The following EPHA6 variants were observed in gnomAD, a reference collection of about 807,000 sequenced individuals.
EPHA6 encodes the protein ephrin type-A receptor 6.
EPHA6 carries 50 observed loss-of-function variants against 112.0 expected under a neutral mutation model. That is an observed-to-expected ratio of 0.45 (90% CI 0.36 to 0.56). EPHA6 has a LOEUF of 0.56. EPHA6 is among the 20% of genes least tolerant of loss of function. EPHA6 has a pLI of 0.00. For synonymous variants in EPHA6, 529 were observed against 490.7 expected, an observed-to-expected ratio of 1.08 and a Z score of -1.03; for missense variants, 1,280 against 1,417.4, an observed-to-expected ratio of 0.90 and a Z score of 1.56.
Position 96,843,918 on chromosome 3 carries a change from A to G in EPHA6, c.386-22907A>G, listed in dbSNP as rs534770220. Among the ~76,000 whole-genome samples the G allele has an allele frequency of 7.2e-5, 11 of 152,210 alleles. No homozygotes were observed. The South Asian group carries it at 1.0e-3, about 14-fold the overall frequency. ...AAAAACCCAATATTACTCAGTAGAT[A>G]TACTTTATTTGAATATATTTACATT... On this transcript the variant is annotated intron_variant, in intron 1 of 17. Transcript: ENST00000389672.
chr3:97,210,925 C>T lies in EPHA6; in HGVS notation c.1115-15339C>T, dbSNP rs554884516. Among the ~76,000 whole-genome samples the T allele has an allele frequency of 7.2e-5, 11 of 152,258 alleles. No individual in the cohort carries two copies. In the East Asian group the frequency reaches 1.4e-3, roughly 19 times the overall value. On this transcript the variant is annotated intron_variant, in intron 3 of 17. Transcript: ENST00000389672. ...GCAAATTGGTGCTGGTTTTCAACCA[C>T]GAGCTCAGCCAGAGCTATGAGCAAA... is the stretch of plus-strand genomic sequence containing the variant.
At position 96,907,570 on chromosome 3, in the gene EPHA6, C is replaced by T. The variant is rs189676729; in HGVS notation, c.450+40681C>T. ...ATCTTTTGTATGCATCTTATGTTTG[C>T]ATTGGTACTTTTAATTTCAAATATT... On this transcript the variant is annotated intron_variant, in intron 2 of 17. Transcript: ENST00000389672. Among the ~76,000 whole-genome samples, 360 of 151,674 alleles carry T rather than the reference C, an allele frequency of 2.4e-3. 3 individuals are homozygous for T. Among genetic ancestry groups the T allele is most frequent in the African/African-American group, 8.4e-3 (347 of 41,434 alleles).
chr3:96,889,008 C>T (rs927127681), intron 2 of EPHA6, among the ~76,000 whole-genome samples: 1 of 152,128 alleles, frequency 6.6e-6, no homozygotes, highest in Non-Finnish European at 1.5e-5. Flanking sequence ...AATCATCTCT[C>T]TCATGTTCAA....
At chr3:97,611,926 C>G (rs559104497) in intron 13 of EPHA6, among the ~76,000 whole-genome samples, 2 of 151,818 alleles carry the variant, frequency 1.3e-5, no homozygotes, top group African/African-American at 4.8e-5. Flanking sequence ...TGAATGCTAG[C>G]AGTGATGATA....
chr3:96,863,154 C>T (rs1002658506), intron 1 of EPHA6, among the ~76,000 whole-genome samples: 6 of 151,896 alleles, frequency 4.0e-5, no homozygotes, highest in African/African-American at 1.4e-4. Context: ...GTACTCTTTA[C>T]ATAAATAATA....
At chr3:97,677,147 T>C (rs901222890) in intron 14 of EPHA6, among the ~76,000 whole-genome samples, 3 of 152,196 alleles carry the variant, frequency 2.0e-5, no homozygotes, top group African/African-American at 7.2e-5. Flanking sequence ...GTTTTTTAAT[T>C]GCAAATTTTA....
At chr3:96,895,120 C>A (rs1424975611) in intron 2 of EPHA6, among the ~76,000 whole-genome samples, 1 of 152,096 alleles carries the variant, frequency 6.6e-6, no homozygotes, top group African/African-American at 2.4e-5. Flanking sequence ...GAAGGCATTG[C>A]CATCATACGA....
At chr3:97,201,571 A>T (rs1160224089) in intron 3 of EPHA6, among the ~76,000 whole-genome samples, 3 of 152,006 alleles carry the variant, frequency 2.0e-5, no homozygotes, top group Non-Finnish European at 4.4e-5. Context: ...TAAAGTGAAC[A>T]TCTCTACAAA....
chr3:96,996,773 T>A (rs2043439903), intron 3 of EPHA6, among the ~76,000 whole-genome samples: 1 of 152,142 alleles, frequency 6.6e-6, no homozygotes, highest in African/African-American at 2.4e-5. Flanking sequence ...ATCATAATTC[T>A]TACTAGGTTT....
At chr3:97,544,052 C>T (rs2092908543) in intron 11 of EPHA6, among the ~76,000 whole-genome samples, 1 of 152,178 alleles carries the variant, frequency 6.6e-6, no homozygotes, top group Admixed American at 6.5e-5. Flanking sequence ...GACAATTTGA[C>T]TTCCTCTTTT....
chr3:97,731,098 C>T (rs568459782), intron 15 of EPHA6, among the ~76,000 whole-genome samples: 1 of 152,038 alleles, frequency 6.6e-6, no homozygotes, highest in East Asian at 1.9e-4. Flanking sequence ...GGGGCCTTTG[C>T]AGTGATCAAA....
At chr3:97,014,606 A>G (rs1233298515) in intron 3 of EPHA6, among the ~76,000 whole-genome samples, 1 of 152,218 alleles carries the variant, frequency 6.6e-6, no homozygotes, top group East Asian at 1.9e-4. Flanking sequence ...CGATGTTGAA[A>G]CATAAATTAG....
At chr3:97,664,791 A>G (rs1048834388) in intron 14 of EPHA6, among the ~76,000 whole-genome samples, 1 of 152,168 alleles carries the variant, frequency 6.6e-6, no homozygotes, top group Admixed American at 6.5e-5. Context: ...TTCAAGGAGA[A>G]CTACAAACCA....
chr3:97,758,230 C>T lies in EPHA6; in HGVS notation c.*9529C>T, dbSNP rs1428453733. ...AAAACCTTTGAGAAAACAAAATAAT[C>T]GTTTTCCCTACCTTACAACCTTGAT... is the stretch of plus-strand genomic sequence containing the variant. On this transcript the variant is annotated 3_prime_UTR_variant, in exon 18 of 18. Coordinates refer to ENST00000389672, the MANE Select transcript of EPHA6 (RefSeq NM_001080448.3). 2.0e-5 allele frequency among the ~76,000 whole-genome samples: 3 copies of T among 151,836 alleles called. No homozygotes were observed. Among genetic ancestry groups the T allele is most frequent in the Admixed American group, 6.6e-5 (1 of 15,240 alleles).
intron 5 of EPHA6, among the ~76,000 whole-genome samples, chr3:97,370,040 A>G (rs1411844472): frequency 1.3e-5 from 2 of 152,140 alleles, no homozygotes; most frequent in African/African-American, 2.4e-5. Flanking sequence ...TGATTGATCT[A>G]CCTCTGCCCT....
At chr3:97,337,449 C>T (rs2083107376) in intron 5 of EPHA6, among the ~76,000 whole-genome samples, 1 of 152,092 alleles carries the variant, frequency 6.6e-6, no homozygotes, top group Admixed American at 6.6e-5. Context: ...CACCTTTTCC[C>T]TTACTCCCCA....
At chr3:97,674,162 A>C (rs1435593359) in intron 14 of EPHA6, among the ~76,000 whole-genome samples, 1 of 152,190 alleles carries the variant, frequency 6.6e-6, no homozygotes, top group Non-Finnish European at 1.5e-5. Flanking sequence ...ATGGTTATGG[A>C]AACATGTTAA....
intron 4 of EPHA6, among the ~76,000 whole-genome samples, chr3:97,241,003 C>T (rs1559821039): frequency 6.6e-6 from 1 of 151,580 alleles, no homozygotes; most frequent in East Asian, 1.9e-4. Flanking sequence ...GCACACCTGG[C>T]CTCTGCTACT....
chr3:97,067,552 A>C lies in EPHA6; in HGVS notation c.1114+79559A>C, dbSNP rs528390091. 4.6e-5 allele frequency among the ~76,000 whole-genome samples: 7 copies of C among 151,902 alleles called. No individual in the cohort carries two copies. The East Asian group carries it at 1.4e-3, about 29-fold the overall frequency. On this transcript the variant is annotated intron_variant, in intron 3 of 17. Coordinates refer to ENST00000389672, the MANE Select transcript of EPHA6 (RefSeq NM_001080448.3). ...TTATCAGGAAAATATATATATATAT[A>C]TATACCAAAGAGAAGCAATAGTAGG...
Sources: gnomAD v4.1 joint callset for allele counts (sites outside exome capture counted in the v4.1 genomes callset) on GRCh38, gnomAD v4.1.1 for gene constraint, MANE v1.5 for transcripts, NCBI Gene and HGNC (gene_info 2026-07-23, HGNC 2026-07-21) for gene names.